FOXP1: variants seen among roughly 807,000 people sequenced by gnomAD.
FOXP1 encodes forkhead box P1, also known as forkhead box protein P1.
Under a neutral mutation model 98.2 loss-of-function variants are expected in FOXP1, and 15 were observed. The observed-to-expected ratio is 0.15, with a 90% CI of 0.10 to 0.24. FOXP1 has a LOEUF of 0.24. Among genes scored for constraint, FOXP1 ranks in the 10% least tolerant of loss-of-function variants. The probability of loss-of-function intolerance (pLI) is 1.00; values close to 1 mark genes in which losing one functional copy is unlikely to be tolerated. For synonymous variants in FOXP1, 371 were observed against 314.5 expected, an observed-to-expected ratio of 1.18 and a Z score of -1.90; for missense variants, 633 against 848.5, an observed-to-expected ratio of 0.75 and a Z score of 3.15.
At position 71,219,813 on chromosome 3, in the gene FOXP1, G is replaced by A. The variant is rs184926818; in HGVS notation, c.-11-21421C>T. Among the ~76,000 whole-genome samples the A allele has an allele frequency of 2.4e-4, 37 of 152,196 alleles. 1 individual carries two copies. In the East Asian group the frequency reaches 5.8e-3, roughly 24 times the overall value. On this transcript the variant is annotated intron_variant, in intron 5 of 20. Coordinates refer to ENST00000649528, the MANE Select transcript of FOXP1 (RefSeq NM_001349338.3). ...TTTTATTTCTACTGTGCAGTGCTGC[G>A]TGCAGCACACACTTCAGGATCTGGC...
intron 7 of FOXP1, among the ~76,000 whole-genome samples, chr3:71,071,561 G>A (rs2053232325): frequency 6.6e-6 from 1 of 152,160 alleles, no homozygotes; most frequent in Non-Finnish European, 1.5e-5. Context: ...AGATGGATGA[G>A]ATCTCTCTAT....
At chr3:71,247,543 C>A (rs563224886) in intron 5 of FOXP1, among the ~76,000 whole-genome samples, 1 of 152,072 alleles carries the variant, frequency 6.6e-6, no homozygotes, top group Non-Finnish European at 1.5e-5. Context: ...AAAATCAGGC[C>A]GAGGGCCTGC....
chr3:70,966,669 TCA>T (rs2034851968), intron 19 of FOXP1, among the ~76,000 whole-genome samples: 1 of 152,194 alleles, frequency 6.6e-6, no homozygotes, highest in African/African-American at 2.4e-5. Context: ...ACGTAGTGTT[TCA>T]GAGTCCGACC....
At chr3:71,204,946 G>T (rs146873179) in intron 5 of FOXP1, among the ~76,000 whole-genome samples, 28 of 152,288 alleles carry the variant, frequency 1.8e-4, no homozygotes, top group African/African-American at 6.7e-4. Flanking sequence ...CCAAGTTTAG[G>T]AGGCAAAGTC....
At chr3:70,965,713 T>C (rs2034617587) in intron 20 of FOXP1, among the ~76,000 whole-genome samples, 177 bp downstream of exon 20, 1 of 152,188 alleles carries the variant, frequency 6.6e-6, no homozygotes, top group Non-Finnish European at 1.5e-5. Flanking sequence ...TAGCAAATAG[T>C]CCTTTTATGC....
chr3:71,548,229 T>C (rs544964043), intron 2 of FOXP1, among the ~76,000 whole-genome samples: 14 of 152,298 alleles, frequency 9.2e-5, no homozygotes, highest in African/African-American at 3.1e-4. Flanking sequence ...AAGTTGGCCC[T>C]ATGAATGGAG....
chr3:71,260,608 T>G (rs2069045061), intron 5 of FOXP1, among the ~76,000 whole-genome samples: 1 of 151,406 alleles, frequency 6.6e-6, no homozygotes, highest in African/African-American at 2.4e-5. Context: ...AACGGGGTGA[T>G]CTGGGCTCAC....
chr3:71,208,539 T>TGG (rs1467941450), intron 5 of FOXP1, among the ~76,000 whole-genome samples: 7 of 151,626 alleles, frequency 4.6e-5, no homozygotes, highest in Non-Finnish European at 7.4e-5. Flanking sequence ...TTTAAGTTTG[T>TGG]GTGTGTGTGT....
At chr3:71,545,866 G>C (rs969941060) in intron 2 of FOXP1, among the ~76,000 whole-genome samples, 1 of 152,006 alleles carries the variant, frequency 6.6e-6, no homozygotes, top group Non-Finnish European at 1.5e-5. Context: ...ACTCTCCCTG[G>C]TTTTCACTGT....
At chr3:71,075,321 T>C (rs2053683385) in intron 7 of FOXP1, among the ~76,000 whole-genome samples, 1 of 152,240 alleles carries the variant, frequency 6.6e-6, no homozygotes, top group Non-Finnish European at 1.5e-5. Context: ...CAGTAAGCAC[T>C]TAAAATGCTT....
intron 3 of FOXP1, among the ~76,000 whole-genome samples, chr3:71,446,075 GA>G (rs2086402945): frequency 7.5e-6 from 1 of 133,058 alleles, no homozygotes; most frequent in Non-Finnish European, 1.7e-5. Context: ...GTGAGTGAGT[GA>G]GTGAGTGAAT....
At chr3:71,117,643 C>G (rs1293367157) in intron 6 of FOXP1, among the ~76,000 whole-genome samples, 1 of 152,064 alleles carries the variant, frequency 6.6e-6, no homozygotes, top group Non-Finnish European at 1.5e-5. Context: ...AAGAATTTCT[C>G]TTTTAAGAAG....
At chr3:71,427,060 CAA>C (rs1280211071) in intron 3 of FOXP1, among the ~76,000 whole-genome samples, 9 of 103,568 alleles carry the variant, frequency 8.7e-5, no homozygotes, top group Admixed American at 1.1e-4. Flanking sequence ...GACTCCATCT[CAA>C]AAAAAAAAAA....
At chr3:71,487,050 T>A (rs527962834) in intron 3 of FOXP1, among the ~76,000 whole-genome samples, 39 of 152,288 alleles carry the variant, frequency 2.6e-4, no homozygotes, top group African/African-American at 8.4e-4. Context: ...AAGTCTGGGT[T>A]TGGCTCTCAC....
chr3:71,141,031 G>A (rs979945934), intron 6 of FOXP1, among the ~76,000 whole-genome samples: 1 of 151,996 alleles, frequency 6.6e-6, no homozygotes, highest in Non-Finnish European at 1.5e-5. Flanking sequence ...CACTCTGGGA[G>A]GCCAAGGTGG....
At chr3:71,308,788 TGTGTGTGTGTGTGTGTGTGG>T (rs1206006857) in intron 4 of FOXP1, among the ~76,000 whole-genome samples, 9 of 134,362 alleles carry the variant, frequency 6.7e-5, no homozygotes, top group Admixed American at 2.9e-4. Context: ...TGTGTGTGTG[TGTGTGTGTGTGTGTGTGTGG>T]GTGAGGGGGG....
intron 13 of FOXP1, among the ~76,000 whole-genome samples, chr3:70,992,848 T>C (rs1328814499): frequency 6.6e-6 from 1 of 152,110 alleles, no homozygotes; most frequent in Non-Finnish European, 1.5e-5. Flanking sequence ...AGAGACTCTC[T>C]CTCTTCTTTT....
intron 4 of FOXP1, among the ~76,000 whole-genome samples, chr3:71,328,848 G>A (rs552867255): frequency 3.3e-5 from 5 of 152,036 alleles, no homozygotes; most frequent in East Asian, 3.9e-4. Context: ...GTGCATGCCT[G>A]TAATCCTAGC....
chr3:71,317,379 C>T (rs564149332), intron 4 of FOXP1, among the ~76,000 whole-genome samples: 38 of 152,166 alleles, frequency 2.5e-4, no homozygotes, highest in Non-Finnish European at 4.9e-4. Context: ...TATCCACAAC[C>T]GCATATTAAA....
Sources: gnomAD v4.1 joint callset for allele counts (sites outside exome capture counted in the v4.1 genomes callset) on GRCh38, gnomAD v4.1.1 for gene constraint, MANE v1.5 for transcripts, NCBI Gene and HGNC (gene_info 2026-07-23, HGNC 2026-07-21) for gene names.